Variants in GEMIN2 observed in about 807,000 individuals in gnomAD.
GEMIN2 encodes gem nuclear organelle associated protein 2.
In GEMIN2, 37 loss-of-function variants were observed where a neutral mutation model predicts 45.8. The observed-to-expected ratio is 0.81, with a 90% CI of 0.62 to 1.06. GEMIN2 has a LOEUF of 1.06. Among genes scored for constraint, GEMIN2 ranks in the 50% least tolerant of loss-of-function variants. The probability of loss-of-function intolerance (pLI) is 0.00; values close to 1 mark genes in which losing one functional copy is unlikely to be tolerated. For synonymous variants in GEMIN2, 101 were observed against 111.5 expected, an observed-to-expected ratio of 0.91 and a Z score of 0.60; for missense variants, 335 against 321.8, an observed-to-expected ratio of 1.04 and a Z score of -0.31.
chr14:39,116,689 G>T (rs1179029908), intron 2 of GEMIN2, among the ~76,000 whole-genome samples: 7 of 151,988 alleles, frequency 4.6e-5, no homozygotes, highest in African/African-American at 1.7e-4. Flanking sequence ...TTCCTCTTCA[G>T]GGTTTTTTAG....
rs76138441 is a variant in GEMIN2, at chr14:39,122,422, T to C, written c.373-8T>C. The stretch of plus-strand genomic sequence containing the variant: ...AGGAATAAATCAGTTTTTTTTTTTT[T>C]CTTTTAGCCAAAATCTGAAGATGAA... On this transcript the variant is annotated splice_region_variant and splice_polypyrimidine_tract_variant and intron_variant, in intron 4 of 9. Coordinates refer to ENST00000308317, the MANE Select transcript of GEMIN2 (RefSeq NM_003616.3). The C allele has an allele frequency of 1.4e-6, 2 of 1,441,338 alleles. No individual in the cohort carries two copies. The highest frequency in any genetic ancestry group is 1.9e-6 in the Non-Finnish European group (2 of 1,039,206). The allele number at this position is 1,441,338 out of a possible 1,614,324, so 89.3% of individuals were successfully genotyped here. A position where few individuals can be genotyped will look rare whatever the true frequency, so the allele number is the denominator to read the frequency against.
intron 8 of GEMIN2, among the ~76,000 whole-genome samples, chr14:39,132,841 G>A (rs950304415): frequency 2.7e-5 from 4 of 150,480 alleles, no homozygotes; most frequent in Admixed American, 2.0e-4. Context: ...ACCATGCCTG[G>A]CTAATTTTTG....
intron 4 of GEMIN2, chr14:39,121,974 G>A: frequency 5.7e-6 from 1 of 175,298 alleles, no homozygotes; most frequent in South Asian, 1.1e-4. Context: ...GCCTGCCTCG[G>A]CCTCCCAAAG....
At chr14:39,114,622 T>TG (rs1389905948) in intron 1 of GEMIN2, 147 bp downstream of exon 1, 28 of 669,548 alleles carry the variant, frequency 4.2e-5, no homozygotes, top group Non-Finnish European at 6.7e-5. Context: ...GAGTTTCTGT[T>TG]GAACGTGATT....
chr14:39,131,761 G>C, intron 7 of GEMIN2, 197 bp from the exon 8 acceptor site: 2 of 454,492 alleles, frequency 4.4e-6, no homozygotes, highest in East Asian at 6.8e-5. Context: ...CCAATGTCCT[G>C]TGTCTGTAAT....
At chr14:39,126,030 A>G (rs545505399) in intron 6 of GEMIN2, among the ~76,000 whole-genome samples, 1 of 152,214 alleles carries the variant, frequency 6.6e-6, no homozygotes, top group Non-Finnish European at 1.5e-5. Context: ...AAAAAAAAAA[A>G]AAAGAAAGAT....
chr14:39,127,336 G>GTTTTTTTTT (rs760931815), intron 6 of GEMIN2, among the ~76,000 whole-genome samples: 1 of 56,068 alleles, frequency 1.8e-5, no homozygotes, highest in Non-Finnish European at 3.3e-5. Flanking sequence ...GTGTGCCATT[G>GTTTTTTTTT]TTTTTTTTTT....
chr14:39,115,164 G>A (rs915477483), intron 2 of GEMIN2, among the ~76,000 whole-genome samples: 10 of 152,172 alleles, frequency 6.6e-5, no homozygotes, highest in Admixed American at 1.3e-4. Context: ...TCCTTTCAAA[G>A]GAGTCTTTAA....
intron 4 of GEMIN2, 75 bp downstream of exon 4, chr14:39,118,674 A>G: frequency 1.5e-6 from 1 of 685,198 alleles, no homozygotes; most frequent in African/African-American, 1.7e-5. Flanking sequence ...TCCAGTCGTT[A>G]AAGATTCACT....
chr14:39,115,150 C>T (rs1028287615), intron 2 of GEMIN2, among the ~76,000 whole-genome samples: 4 of 152,214 alleles, frequency 2.6e-5, no homozygotes, highest in African/African-American at 9.7e-5. Flanking sequence ...AGGACATTAT[C>T]CAGTCCTTTC....
At chr14:39,135,764 CATAAA>C (rs1444084048) in intron 9 of GEMIN2, among the ~76,000 whole-genome samples, 5 of 152,124 alleles carry the variant, frequency 3.3e-5, no homozygotes, top group Non-Finnish European at 7.3e-5. Context: ...CTTATAATTA[CATAAA>C]ATAGTTACCT....
chr14:39,118,252 T>C (rs916138228), intron 3 of GEMIN2, among the ~76,000 whole-genome samples, 164 bp downstream of exon 3: 2 of 152,226 alleles, frequency 1.3e-5, no homozygotes, highest in Non-Finnish European at 2.9e-5. Flanking sequence ...TTGAAATATT[T>C]TCTAAGTTTT....
At position 39,122,392 on chromosome 14, in the gene GEMIN2, T is replaced by C. The variant is rs201683954; in HGVS notation, c.373-38T>C. On this transcript the variant is annotated intron_variant, in intron 4 of 9. Coordinates refer to ENST00000308317, the MANE Select transcript of GEMIN2 (RefSeq NM_003616.3). ...TTTTACTGTTCAGTGTAAAAATTAA[T>C]ACACAGGAATAAATCAGTTTTTTTT... 7.7e-6 allele frequency: 8 copies of C among 1,039,646 alleles called. No individual in the cohort carries two copies. In the East Asian group the frequency reaches 1.4e-4, roughly 19 times the overall value. The allele number at this position is 1,039,646 out of a possible 1,614,324, so 64.4% of individuals were successfully genotyped here. A position where few individuals can be genotyped will look rare whatever the true frequency, so the allele number is the denominator to read the frequency against.
chr14:39,136,410 T>C (rs941484993), intron 9 of GEMIN2, 30 bp from the exon 10 acceptor site: 2 of 1,110,812 alleles, frequency 1.8e-6, no homozygotes, highest in Non-Finnish European at 2.8e-6. Context: ...AATATCTTTA[T>C]ACATAAATTT....
In GEMIN2 at chr14:39,118,097, C is replaced by G. The variant is rs772647741; in HGVS notation, c.312+9C>G. The stretch of plus-strand genomic sequence containing the variant: ...TTTCAACTGTTCGACAGGTAAGTGT[C>G]ATATTTAATCTAATTAAGCCCCTGT... On this transcript the variant is annotated intron_variant, in intron 3 of 9. Coordinates refer to ENST00000308317, the MANE Select transcript of GEMIN2 (RefSeq NM_003616.3). 6.9e-7 allele frequency: 1 copy of G among 1,447,540 alleles called. No homozygotes were observed. The highest frequency in any genetic ancestry group is 1.8e-5 in the Admixed American group (1 of 56,318). 89.7% of individuals were successfully genotyped at this position (1,447,540 alleles called of 1,614,324 possible). A position where few individuals can be genotyped will look rare whatever the true frequency, so the allele number is the denominator to read the frequency against.
chr14:39,131,978 A>C lies in GEMIN2; in HGVS notation c.621A>C (p.Leu207Phe), dbSNP rs139198860. Residue 207 changes from leucine (L) to phenylalanine (F), a missense_variant, in exon 8 of 10, where the codon TTA becomes TTC. Coordinates refer to ENST00000308317, the MANE Select transcript of GEMIN2 (RefSeq NM_003616.3). ...TTTAGGGAAGATGGCTTTATGCTTT[A>C]TTGGCTTGTCTTGAAAAGCCTTTGT... The part of the protein sequence containing the change: ...TPELGRWLYA[L>F]LACLEKPLLP... The C allele has an allele frequency of 2.0e-5, 32 of 1,585,858 alleles. No individual in the cohort carries two copies. The highest frequency in any genetic ancestry group is 2.7e-5 in the Non-Finnish European group (31 of 1,155,380).
At chr14:39,115,130 A>G (rs2052484990) in intron 2 of GEMIN2, among the ~76,000 whole-genome samples, 1 of 152,224 alleles carries the variant, frequency 6.6e-6, no homozygotes, top group African/African-American at 2.4e-5. Context: ...AGTGTTGCCC[A>G]TCTTACTTCA....
At chr14:39,125,426 C>A (rs1027380619) in intron 6 of GEMIN2, among the ~76,000 whole-genome samples, 1 of 152,096 alleles carries the variant, frequency 6.6e-6, no homozygotes, top group Admixed American at 6.6e-5. Context: ...CCCTGACTTA[C>A]AATGGTTCAG....
At chr14:39,115,843 G>C (rs1034197187) in intron 2 of GEMIN2, among the ~76,000 whole-genome samples, 1 of 151,986 alleles carries the variant, frequency 6.6e-6, no homozygotes, top group African/African-American at 2.4e-5. Flanking sequence ...AGGTTGTGCC[G>C]GGCATTGGGA....
Sources: allele counts gnomAD v4.1 joint callset (sites outside exome capture counted in the v4.1 genomes callset), GRCh38; gene constraint gnomAD v4.1.1; transcripts MANE v1.5; gene names NCBI Gene and HGNC (gene_info 2026-07-23, HGNC 2026-07-21).